Variants in NHSL2 observed in about 807,000 individuals in gnomAD.
NHSL2 encodes NHS-like protein 2.
A neutral mutation model predicts 53.4 loss-of-function variants in NHSL2; 27 were observed. The observed-to-expected ratio is 0.51, with a 90% CI of 0.37 to 0.70. The LOEUF (loss-of-function observed/expected upper bound fraction) is 0.70. Ranked by LOEUF, NHSL2 falls within the 30% of genes least tolerant of loss-of-function variation. NHSL2 has a pLI of 0.00. For synonymous variants in NHSL2, 408 were observed against 404.1 expected, an observed-to-expected ratio of 1.01 and a Z score of -0.12; for missense variants, 892 against 980.1, an observed-to-expected ratio of 0.91 and a Z score of 1.20.
At position 71,911,205 on chromosome X, in the gene NHSL2, C is replaced by G. The variant is rs1333371210; in HGVS notation, c.118C>G (p.Leu40Val). 3 of 1,145,714 alleles carry G rather than the reference C, an allele frequency of 2.6e-6. No individual in the cohort carries two copies. The highest frequency in any genetic ancestry group is 2.6e-5 in the Admixed American group (1 of 38,278). The allele number at this position is 1,145,714 out of a possible 1,213,427, so 94.4% of individuals were successfully genotyped here. A position where few individuals can be genotyped will look rare whatever the true frequency, so the allele number is the denominator to read the frequency against. The part of the protein sequence containing the change: ...HLAALSLLRQ[L>V]ADLCGHSLAL... ...GGCAGCGCTCAGCCTGCTCCGGCAG[C>G]TCGCCGACCTCTGTGGCCACTCGTT... The change falls in exon 1 of 8, where the codon CTC becomes GTC. Residue 40 changes from leucine (L) to valine (V), a missense_variant. Leu to Val is a conservative substitution (Grantham distance 32, BLOSUM62 1). Coordinates refer to ENST00000633930, the MANE Select transcript of NHSL2 (RefSeq NM_001013627.3).
chrX:72,139,223 A>G lies in NHSL2; in HGVS notation c.1675A>G (p.Ile559Val). 4 of 1,178,738 alleles carry G rather than the reference A, an allele frequency of 3.4e-6. No homozygotes were observed. The highest frequency in any genetic ancestry group is 4.6e-6 in the Non-Finnish European group (4 of 878,654). ...GCACAGAAGGCAGAGGTCCAAGAGT[A>G]TCTCACTTAGGAAGGCCAAAAAGAA... Reference protein sequence around the residue: ...AQHRRQRSKSISLRKAKKKPS... With the variant: ...AQHRRQRSKSVSLRKAKKKPS... Residue 559 changes from isoleucine (I) to valine (V), a missense_variant, in exon 6 of 8, where the codon ATC becomes GTC. Transcript: ENST00000633930.
chrX:71,981,536 C>CAAAAAA lies in NHSL2; in HGVS notation c.280+70182_280+70187dup, dbSNP rs140961615. The stretch of plus-strand genomic sequence containing the variant: ...TGGGCAACAGAGCAAGACTCTGTCT[C>CAAAAAA]AAAAAAAAAAAAAAAAAAGAAGGTT... On this transcript the variant is annotated intron_variant, in intron 1 of 7. Transcript: ENST00000633930. Among the ~76,000 whole-genome samples, 6 of 66,610 alleles carry CAAAAAA rather than the reference C, an allele frequency of 9.0e-5. No individual in the cohort carries two copies. In the South Asian group the frequency reaches 5.1e-3, roughly 57 times the overall value. The allele number at this position is 66,610 out of a possible 115,157, so 57.8% of individuals were successfully genotyped here.
Position 72,146,821 on chromosome X carries a change from C to T in NHSL2, c.*3247C>T, listed in dbSNP as rs1017769055. On this transcript the variant is annotated 3_prime_UTR_variant, in exon 8 of 8. Coordinates refer to ENST00000633930, the MANE Select transcript of NHSL2 (RefSeq NM_001013627.3). Reference sequence around the variant, plus strand: ...CTGCCTCAGCTCCTGACTGGGCCTCCCCCACCAGCCCCAACTTATTCCTCA... The same window carrying T: ...CTGCCTCAGCTCCTGACTGGGCCTCTCCCACCAGCCCCAACTTATTCCTCA... 2.7e-5 allele frequency: 3 copies of T among 111,591 alleles called. No homozygotes were observed. Among genetic ancestry groups the T allele is most frequent in the African/African-American group, 9.8e-5 (3 of 30,587 alleles). The allele number at this position is 111,591 out of a possible 1,213,427, so 9.2% of individuals were successfully genotyped here. A position where few individuals can be genotyped will look rare whatever the true frequency, so the allele number is the denominator to read the frequency against.
chrX:72,043,154 T>C (rs2042285534), intron 1 of NHSL2, among the ~76,000 whole-genome samples: 1 of 111,099 alleles, frequency 9.0e-6, no homozygotes, highest in African/African-American at 3.3e-5. Flanking sequence ...GAGTCTCAAC[T>C]CCTGCAGACC....
intron 1 of NHSL2, among the ~76,000 whole-genome samples, chrX:72,037,618 G>A (rs1303293014): frequency 9.0e-6 from 1 of 111,473 alleles, no homozygotes. Context: ...GACTGATGCT[G>A]GTAGGTGGGG....
chrX:71,938,392 A>T (rs2041749483), intron 1 of NHSL2, among the ~76,000 whole-genome samples: 1 of 112,202 alleles, frequency 8.9e-6, no homozygotes, highest in South Asian at 3.7e-4. Context: ...CTTCAAGGAC[A>T]CAGGGCATTT....
chrX:72,140,929 C>A, intron 6 of NHSL2, 158 bp downstream of exon 6: 1 of 453,778 alleles, frequency 2.2e-6, no homozygotes, highest in South Asian at 4.2e-5. Context: ...AAATAGGAAC[C>A]ACGGGCTGGC....
At chrX:71,928,579 G>T (rs1464462756) in intron 1 of NHSL2, among the ~76,000 whole-genome samples, 2 of 111,577 alleles carry the variant, frequency 1.8e-5, no homozygotes, top group Non-Finnish European at 3.8e-5. Flanking sequence ...TAAGGCTGTG[G>T]ATGGCATTTT....
chrX:72,131,789 C>T, intron 1 of NHSL2: 1 of 220,156 alleles, frequency 4.5e-6, no homozygotes, highest in East Asian at 8.8e-5. Flanking sequence ...GGCGGAGGCA[C>T]GGGGCCCGGA....
intron 1 of NHSL2, among the ~76,000 whole-genome samples, chrX:72,053,494 A>G (rs2042352324): frequency 8.9e-6 from 1 of 111,911 alleles, no homozygotes; most frequent in Non-Finnish European, 1.9e-5. Flanking sequence ...TTTTCTATAT[A>G]TGAGAGAAAA....
rs768117480 is a variant in NHSL2 at position 71,984,861 on chromosome X, T to G, written c.280+73494T>G. Among the ~76,000 whole-genome samples the G allele has an allele frequency of 3.0e-3, 319 of 104,739 alleles. 1 individual carries two copies. Among genetic ancestry groups the G allele is most frequent in the Non-Finnish European group, 5.0e-3 (255 of 50,934 alleles). 91.0% of individuals were successfully genotyped at this position (104,739 alleles called of 115,157 possible). On this transcript the variant is annotated intron_variant, in intron 1 of 7. Transcript: ENST00000633930. ...TTTTTTGAGATGGAGTCTTGCTCTG[T>G]CGCCCAGGCTGGAGTGCAGTGGCAC...
intron 1 of NHSL2, among the ~76,000 whole-genome samples, chrX:72,089,206 A>G (rs1281904988): frequency 9.1e-6 from 1 of 109,694 alleles, no homozygotes; most frequent in African/African-American, 3.3e-5. Flanking sequence ...AATAATGTCA[A>G]TACTTGCCTT....
Position 72,140,562 on chromosome X carries a change from CA to C in NHSL2, c.3021del (p.Lys1007AsnfsTer53), listed in dbSNP as rs755845942. 2 of 1,210,888 alleles carry C rather than the reference CA, an allele frequency of 1.7e-6. No homozygotes were observed. Among genetic ancestry groups the C allele is most frequent in the Non-Finnish European group, 2.2e-6 (2 of 894,864 alleles). On this transcript the variant is annotated frameshift_variant, in exon 6 of 8. Coordinates refer to ENST00000633930, the MANE Select transcript of NHSL2 (RefSeq NM_001013627.3). LOFTEE classifies it high-confidence loss of function. The part of the protein sequence containing the change: ...KKKGKIPPPV[P>X]KKPSVLYLPL... ...AAAGGCAAGATTCCACCTCCCGTAC[CA>C]AAAAAACCCAGCGTGCTGTACCTGC...
chrX:72,140,559 T>C lies in NHSL2; in HGVS notation c.3011T>C (p.Val1004Ala). ...AAGAAAGGCAAGATTCCACCTCCCGTACCAAAAAAACCCAGCGTGCTGTAC... is the reference window on the plus strand; with the variant it reads ...AAGAAAGGCAAGATTCCACCTCCCGCACCAAAAAAACCCAGCGTGCTGTAC... ...EKKKGKIPPP[V>A]PKKPSVLYLP... Residue 1004 changes from valine to alanine, a missense_variant, in exon 6 of 8, where the codon GTA (valine) becomes GCA (alanine). Transcript: ENST00000633930. 1 of 1,211,105 alleles carries C rather than the reference T, an allele frequency of 8.3e-7. No individual in the cohort carries two copies. Among genetic ancestry groups the C allele is most frequent in the Non-Finnish European group, 1.1e-6 (1 of 895,092 alleles).
intron 1 of NHSL2, among the ~76,000 whole-genome samples, chrX:72,055,346 TG>T (rs1398826416): frequency 8.9e-6 from 1 of 112,122 alleles, no homozygotes; most frequent in Non-Finnish European, 1.9e-5. Flanking sequence ...TTACTTTGCG[TG>T]TTTGGAAGCT....
At chrX:71,916,540 C>T (rs1373307289) in intron 1 of NHSL2, among the ~76,000 whole-genome samples, 1 of 111,382 alleles carries the variant, frequency 9.0e-6, no homozygotes, top group African/African-American at 3.3e-5. Flanking sequence ...TGTCTCCATT[C>T]GAGGAGCTGC....
At chrX:72,018,815 A>G (rs2042147360) in intron 1 of NHSL2, among the ~76,000 whole-genome samples, 1 of 112,451 alleles carries the variant, frequency 8.9e-6, no homozygotes, top group Admixed American at 9.2e-5. Context: ...TCTGGCTGCC[A>G]AAGGCCGGCG....
chrX:72,081,436 A>G (rs910353141), intron 1 of NHSL2, among the ~76,000 whole-genome samples: 4 of 112,135 alleles, frequency 3.6e-5, no homozygotes, highest in Non-Finnish European at 7.5e-5. Context: ...GAAGAAGGGC[A>G]TGTAGGAGCG....
intron 1 of NHSL2, among the ~76,000 whole-genome samples, chrX:72,007,030 C>T (rs900659116): frequency 2.7e-5 from 3 of 112,054 alleles, no homozygotes; most frequent in Non-Finnish European, 5.6e-5. Context: ...TTTCAAACCT[C>T]ACCATGGATC....
Sources: allele counts gnomAD v4.1 joint callset (sites outside exome capture counted in the v4.1 genomes callset), GRCh38; gene constraint gnomAD v4.1.1; transcripts MANE v1.5; gene names NCBI Gene and HGNC (gene_info 2026-07-23, HGNC 2026-07-21).